Variants in LUC7L2 observed in about 807,000 individuals in gnomAD.
The protein encoded by LUC7L2 is LUC7 like 2, pre-mRNA splicing factor, also known as putative RNA-binding protein Luc7-like 2.
Under a neutral mutation model 52.8 loss-of-function variants are expected in LUC7L2, and 25 were observed. The observed-to-expected ratio is 0.47, with a 90% confidence interval of 0.34 to 0.66. The LOEUF (loss-of-function observed/expected upper bound fraction) is 0.66. Among genes scored for constraint, LUC7L2 ranks in the 30% least tolerant of loss-of-function variants. The pLI is 0.01. For missense variants in LUC7L2, 328 were observed against 497.8 expected (o/e 0.66, Z 3.25); for synonymous variants, 144 against 160.9 (o/e 0.89, Z 0.80).
In LUC7L2 at chr7:139,422,335, A is replaced by C. The variant is rs1795942840; in HGVS notation, c.1174A>C (p.Ile392Leu). 1.9e-6 allele frequency: 3 copies of C among 1,610,028 alleles called. No individual in the cohort carries two copies. In the East Asian group the frequency reaches 6.7e-5, roughly 36 times the overall value. ...CTCTGAAGAGCGCGAAGCAGGGGAGATCTAACTAGCTGTGTACATTTCTTC... is the reference window on the plus strand; with the variant it reads ...CTCTGAAGAGCGCGAAGCAGGGGAGCTCTAACTAGCTGTGTACATTTCTTC... ...RSSEEREAGE[I>L] is the part of the protein sequence containing the mutation. Residue 392 changes from isoleucine (I) to leucine (L), a missense_variant, in exon 10 of 10, where the codon ATC (isoleucine) becomes CTC (leucine). Around this residue, in one of 2 missense-constraint regions of LUC7L2, gnomAD observed 195 missense variants for 223.3 expected, o/e 0.87. Transcript: ENST00000354926.
At chr7:139,395,009 T>C (rs970823593) in intron 2 of LUC7L2, among the ~76,000 whole-genome samples, 3 of 152,170 alleles carry the variant, frequency 2.0e-5, no homozygotes, top group African/African-American at 4.8e-5. Context: ...TCCATCAATA[T>C]TATGTAAAAG....
chr7:139,418,201 C>T (rs1234858465), intron 9 of LUC7L2, among the ~76,000 whole-genome samples: 1 of 144,674 alleles, frequency 6.9e-6, no homozygotes, highest in African/African-American at 2.8e-5. Context: ...TGTATTGTTA[C>T]ATACCTTCAG....
At chr7:139,375,766 A>G (rs545983491) in intron 1 of LUC7L2, 58 of 346,918 alleles carry the variant, frequency 1.7e-4, no homozygotes, top group African/African-American at 1.2e-3. Flanking sequence ...GTTGGACTCG[A>G]TAATCTTTAA....
intron 6 of LUC7L2, 42 bp downstream of exon 6, chr7:139,407,392 T>C: frequency 6.4e-7 from 1 of 1,569,592 alleles, no homozygotes; most frequent in East Asian, 2.3e-5. Context: ...TCTTGTTCTT[T>C]TGATCTGTAT....
intron 1 of LUC7L2, chr7:139,341,049 C>G: frequency 4.2e-6 from 1 of 235,696 alleles, no homozygotes; most frequent in Non-Finnish European, 8.2e-6. Context: ...CACCCCCCGC[C>G]GGGCCCGCTT....
intron 2 of LUC7L2, among the ~76,000 whole-genome samples, chr7:139,380,958 C>G (rs1800983518): frequency 1.3e-5 from 2 of 152,120 alleles, no homozygotes; most frequent in African/African-American, 4.8e-5. Flanking sequence ...AAATTAAGAT[C>G]TTAGGACATG....
At chr7:139,413,514 G>T (rs558572485) in intron 8 of LUC7L2, among the ~76,000 whole-genome samples, 1 of 152,154 alleles carries the variant, frequency 6.6e-6, no homozygotes, top group Non-Finnish European at 1.5e-5. Context: ...AGTGCCTCAC[G>T]CTTATACCAT....
At chr7:139,402,086 C>G (rs772686809) in intron 3 of LUC7L2, 51 bp from the exon 4 acceptor site, 10 of 1,512,588 alleles carry the variant, frequency 6.6e-6, no homozygotes, top group Non-Finnish European at 7.9e-6. Context: ...GAAGATATTT[C>G]TGAATAAAAT....
chr7:139,386,244 C>A (rs1410938991), intron 2 of LUC7L2, among the ~76,000 whole-genome samples: 1 of 152,008 alleles, frequency 6.6e-6, no homozygotes, highest in Non-Finnish European at 1.5e-5. Flanking sequence ...TCACGTAATC[C>A]ACCTGCCTTG....
At chr7:139,378,044 T>C (rs6467839) in intron 2 of LUC7L2, among the ~76,000 whole-genome samples, 58,240 of 151,078 alleles carry the variant, frequency 0.39, 15,666 homozygotes, top group African/African-American at 0.77. Context: ...TCTCAAACTC[T>C]TGGCTTCAAG....
intron 2 of LUC7L2, among the ~76,000 whole-genome samples, chr7:139,378,261 T>C (rs965469916): frequency 1.3e-5 from 2 of 152,164 alleles, no homozygotes; most frequent in African/African-American, 2.4e-5. Context: ...AATTTAACTT[T>C]ATTTAATTTA....
chr7:139,340,811 A>G (rs1363167527), intron 1 of LUC7L2, among the ~76,000 whole-genome samples: 1 of 150,370 alleles, frequency 6.7e-6, no homozygotes, highest in Non-Finnish European at 1.5e-5. Context: ...TTCTAAACAA[A>G]GCGAAATATG....
chr7:139,411,662 A>G (rs949067712), intron 7 of LUC7L2, among the ~76,000 whole-genome samples: 1 of 152,206 alleles, frequency 6.6e-6, no homozygotes, highest in Non-Finnish European at 1.5e-5. Flanking sequence ...CCTACTAGCC[A>G]TAATATTCAC....
chr7:139,375,307 A>G, intron 1 of LUC7L2: 2 of 985,394 alleles, frequency 2.0e-6, no homozygotes, highest in Non-Finnish European at 2.4e-6. Context: ...TTATATGAAG[A>G]CAGAATGAAT....
At chr7:139,362,768 G>T in intron 1 of LUC7L2, among the ~76,000 whole-genome samples, 1 of 151,848 alleles carries the variant, frequency 6.6e-6, no homozygotes. Flanking sequence ...TGGGGCTTTG[G>T]GAAAACATTA....
chr7:139,366,925 T>C (rs1242782900), intron 1 of LUC7L2, among the ~76,000 whole-genome samples: 1 of 152,232 alleles, frequency 6.6e-6, no homozygotes. Context: ...AACCCTCTTC[T>C]AGATCAGTGT....
chr7:139,369,632 C>T (rs944856301), intron 1 of LUC7L2, among the ~76,000 whole-genome samples: 1 of 152,184 alleles, frequency 6.6e-6, no homozygotes, highest in South Asian at 2.1e-4. Flanking sequence ...CAAGGCTGTT[C>T]CCCAGTTTCA....
intron 2 of LUC7L2, among the ~76,000 whole-genome samples, chr7:139,390,033 C>A (rs887269795): frequency 2.0e-5 from 3 of 152,146 alleles, no homozygotes; most frequent in Non-Finnish European, 4.4e-5. Context: ...TGCACATGTA[C>A]TTCTAGCTAG....
intron 8 of LUC7L2, among the ~76,000 whole-genome samples, chr7:139,415,505 ACT>A (rs1795552238): frequency 6.6e-6 from 1 of 151,636 alleles, no homozygotes; most frequent in Non-Finnish European, 1.5e-5. Context: ...TAAAACTTAC[ACT>A]GAGAGTTTTA....
Sources: gnomAD v4.1 joint callset for allele counts (sites outside exome capture counted in the v4.1 genomes callset) on GRCh38, gnomAD v4.1.1 for gene constraint, gnomAD v4.1.1 regional missense constraint, MANE v1.5 for transcripts, NCBI Gene and HGNC (gene_info 2026-07-23, HGNC 2026-07-21) for gene names.